Variants in MYO10 observed in about 807,000 individuals in gnomAD.
MYO10 encodes the protein unconventional myosin-X.
MYO10 carries 133 observed loss-of-function variants against 257.3 expected under a neutral mutation model. The ratio of observed to expected loss-of-function variants is 0.52; its 90% CI spans 0.45 to 0.60. The LOEUF is 0.60. Among genes scored for constraint, MYO10 ranks in the 20% least tolerant of loss-of-function variants. The probability of loss-of-function intolerance (pLI) is 0.00; values close to 1 mark genes in which losing one functional copy is unlikely to be tolerated. For missense variants in MYO10, 2,399 were observed against 2,635.7 expected (o/e 0.91, Z 1.97); for synonymous variants, 1,104 against 1,028.6 (o/e 1.07, Z -1.40).
In MYO10 at chr5:16,701,926, T is replaced by C. The variant is rs1488984415; in HGVS notation, c.2557-88A>G. 7.0e-7 allele frequency: 1 copy of C among 1,432,210 alleles called. No individual in the cohort carries two copies. The highest frequency in any genetic ancestry group is 9.3e-7 in the Non-Finnish European group (1 of 1,072,030). 88.7% of individuals were successfully genotyped at this position (1,432,210 alleles called of 1,614,324 possible). A position where few individuals can be genotyped will look rare whatever the true frequency, so the allele number is the denominator to read the frequency against. On this transcript the variant is annotated intron_variant, in intron 24 of 40. Transcript: ENST00000513610. The surrounding 1 kb of genome is among the most constrained non-coding windows in gnomAD (Gnocchi z 8.1). ...GCTTTGCAACCAGGATGAAATATGGTCATTATGAGTTGGACTGTGTCCCCA... is the reference window on the plus strand; with the variant it reads ...GCTTTGCAACCAGGATGAAATATGGCCATTATGAGTTGGACTGTGTCCCCA...
rs118021111 is a variant in MYO10, at chr5:16,736,288, G to C, written c.1929+18540C>G. On this transcript the variant is annotated intron_variant, in intron 19 of 40. Coordinates refer to ENST00000513610, the MANE Select transcript of MYO10 (RefSeq NM_012334.3). ...ATTGAGCATGAGAAGGGAAAGGCTT[G>C]AACTCTAAGGACGTTGGCAGAGCCC... 2.1e-3 allele frequency among the ~76,000 whole-genome samples: 321 copies of C among 152,284 alleles called. 9 individuals carry two copies. The East Asian group carries it at 0.05, about 24-fold the overall frequency.
intron 4 of MYO10, among the ~76,000 whole-genome samples, chr5:16,789,258 A>T (rs1741684635): frequency 1.3e-5 from 2 of 152,258 alleles, no homozygotes; most frequent in South Asian, 4.1e-4. Flanking sequence ...GCTTTCGCCC[A>T]CAAAGCCTAA....
chr5:16,880,841 C>G (rs1407177606), intron 1 of MYO10, among the ~76,000 whole-genome samples: 1 of 152,220 alleles, frequency 6.6e-6, no homozygotes, highest in Admixed American at 6.5e-5. Context: ...CGACGCTGGT[C>G]TCTCAAATAT....
At chr5:16,802,484 C>G (rs1742148958) in intron 3 of MYO10, among the ~76,000 whole-genome samples, 1 of 151,230 alleles carries the variant, frequency 6.6e-6, no homozygotes, top group Non-Finnish European at 1.5e-5. Context: ...GGGTGAAACC[C>G]CGTCTCTACT....
intron 19 of MYO10, among the ~76,000 whole-genome samples, chr5:16,717,243 C>T (rs953554560): frequency 1.3e-5 from 2 of 152,202 alleles, no homozygotes; most frequent in Non-Finnish European, 2.9e-5. Flanking sequence ...ATGCATCAAA[C>T]CTATTTTCCT....
At chr5:16,796,229 G>T (rs1741946330) in intron 3 of MYO10, among the ~76,000 whole-genome samples, 1 of 110,528 alleles carries the variant, frequency 9.0e-6, no homozygotes, top group Non-Finnish European at 1.9e-5. Context: ...GAGCGAGAAA[G>T]AGAAAGAGCG....
chr5:16,807,760 C>G (rs1742321823), intron 3 of MYO10, among the ~76,000 whole-genome samples: 1 of 152,154 alleles, frequency 6.6e-6, no homozygotes, highest in Non-Finnish European at 1.5e-5. Context: ...ATGCTCAAAA[C>G]TCAGGCCAAC....
At chr5:16,929,854 G>C (rs2126807770) in intron 1 of MYO10, among the ~76,000 whole-genome samples, 1 of 152,188 alleles carries the variant, frequency 6.6e-6, no homozygotes, top group East Asian at 1.9e-4. Flanking sequence ...CAGATACTGA[G>C]TACAGGGCTG....
chr5:16,727,951 A>G (rs1313043753), intron 19 of MYO10, among the ~76,000 whole-genome samples: 1 of 151,866 alleles, frequency 6.6e-6, no homozygotes, highest in Non-Finnish European at 1.5e-5. Flanking sequence ...GTTTAGTACA[A>G]GCCCTTTCTC....
chr5:16,714,396 C>T (rs1738757474), intron 19 of MYO10, among the ~76,000 whole-genome samples: 1 of 151,952 alleles, frequency 6.6e-6, no homozygotes, highest in Non-Finnish European at 1.5e-5. Context: ...AAGATGGACG[C>T]ATGGTTCTTG....
intron 21 of MYO10, among the ~76,000 whole-genome samples, chr5:16,707,043 T>G (rs1738378239): frequency 6.6e-6 from 1 of 152,188 alleles, no homozygotes; most frequent in African/African-American, 2.4e-5. Flanking sequence ...GTCTTTCCCA[T>G]GCTGTTCTCA....
intron 2 of MYO10, among the ~76,000 whole-genome samples, chr5:16,823,370 G>C (rs959772244): frequency 7.4e-6 from 1 of 135,510 alleles, no homozygotes; most frequent in African/African-American, 2.7e-5. Flanking sequence ...ACTTGAACCC[G>C]GGGGGCAGAT....
intron 19 of MYO10, among the ~76,000 whole-genome samples, chr5:16,712,865 T>C (rs1222675548): frequency 6.6e-6 from 1 of 152,214 alleles, no homozygotes; most frequent in Non-Finnish European, 1.5e-5. Context: ...GATTAAATTA[T>C]CCTCAGAAAA....
intron 26 of MYO10, among the ~76,000 whole-genome samples, chr5:16,695,325 C>T (rs1272248985): frequency 2.6e-5 from 4 of 152,112 alleles, no homozygotes; most frequent in African/African-American, 9.7e-5. Flanking sequence ...CAGAGTGAGA[C>T]TCCGTCTCAA....
Position 16,671,425 on chromosome 5 carries a change from T to C in MYO10, c.5427A>G (p.Glu1809=), listed in dbSNP as rs370498763. 7.4e-6 allele frequency: 12 copies of C among 1,613,954 alleles called. No homozygotes were observed. In the African/African-American group the frequency reaches 1.5e-4, roughly 20 times the overall value. ...TGTTTCTAACTATTCCTTTTACCTGTTCAAACATAAATGCAAACTCCACAC... is the reference window on the plus strand; with the variant it reads ...TGTTTCTAACTATTCCTTTTACCTGCTCAAACATAAATGCAAACTCCACAC... ...KDSVEFAFMF[E]QAHEAVIHGH... is the part of the protein sequence containing the mutation. The change falls in exon 38 of 41, where the codon GAA becomes GAG. Residue 1809 remains glutamate, a synonymous_variant. Transcript: ENST00000513610.
chr5:16,778,484 G>A (rs936065125), intron 9 of MYO10, among the ~76,000 whole-genome samples: 8 of 152,048 alleles, frequency 5.3e-5, no homozygotes, highest in Non-Finnish European at 1.0e-4. Flanking sequence ...GATGCTTTTG[G>A]GTCGATGAGG....
intron 19 of MYO10, among the ~76,000 whole-genome samples, chr5:16,744,263 A>G (rs1345876401): frequency 6.6e-6 from 1 of 152,228 alleles, no homozygotes; most frequent in African/African-American, 2.4e-5. Flanking sequence ...TACATACACA[A>G]TAACATGTAG....
chr5:16,925,208 A>G (rs1182175801), intron 1 of MYO10, among the ~76,000 whole-genome samples: 2 of 152,308 alleles, frequency 1.3e-5, no homozygotes, highest in Non-Finnish European at 2.9e-5. Flanking sequence ...CACTTAACAA[A>G]TGTTTTGAAT....
At chr5:16,768,787 C>T (rs1197829924) in intron 10 of MYO10, among the ~76,000 whole-genome samples, 8 of 150,126 alleles carry the variant, frequency 5.3e-5, no homozygotes, top group Non-Finnish European at 5.9e-5. Context: ...GTGATCCTCC[C>T]ACCCTCTCCT....
Sources: gnomAD v4.1 joint callset for allele counts (sites outside exome capture counted in the v4.1 genomes callset) on GRCh38, gnomAD v4.1.1 for gene constraint, Gnocchi (gnomAD v3.1) non-coding constraint, MANE v1.5 for transcripts, NCBI Gene and HGNC (gene_info 2026-07-23, HGNC 2026-07-21) for gene names.